JAKMIP1: variants seen among roughly 807,000 people sequenced by gnomAD.
The protein encoded by JAKMIP1 is janus kinase and microtubule interacting protein 1, also known as janus kinase and microtubule-interacting protein 1.
Under a neutral mutation model 113.0 loss-of-function variants are expected in JAKMIP1, and 33 were observed. The ratio of observed to expected loss-of-function variants is 0.29; its 90% CI spans 0.22 to 0.39. The LOEUF (loss-of-function observed/expected upper bound fraction) is 0.39. JAKMIP1 is among the 10% of genes least tolerant of loss of function. The pLI is 1.00. For synonymous variants in JAKMIP1, 480 were observed against 459.9 expected (o/e 1.04, Z -0.56); for missense variants, 813 against 1,080.5 (o/e 0.75, Z 3.47).
chr4:6,110,383 C>T (rs1714724788), intron 2 of JAKMIP1, among the ~76,000 whole-genome samples: 1 of 151,426 alleles, frequency 6.6e-6, no homozygotes, highest in African/African-American at 2.4e-5. Context: ...TGCCAGCCTC[C>T]AGGACTGTGA....
At position 6,042,029 on chromosome 4, in the gene JAKMIP1, A is replaced by T; in HGVS notation, c.2097+130T>A. The T allele has an allele frequency of 2.8e-6, 2 of 707,382 alleles. No homozygotes were observed. The highest frequency in any genetic ancestry group is 1.7e-5 in the South Asian group (1 of 57,808). The allele number at this position is 707,382 out of a possible 1,614,324, so 43.8% of individuals were successfully genotyped here. A position where few individuals can be genotyped will look rare whatever the true frequency, so the allele number is the denominator to read the frequency against. On this transcript the variant is annotated intron_variant, in intron 17 of 20. Transcript: ENST00000409021. The surrounding 1 kb of genome is among the most constrained non-coding windows in gnomAD (Gnocchi z 5.2). ...TGGGTGACAATTACTTAGAACAACC[A>T]CTGGGGCAAAAGCAAAATTGAGAAA...
At chr4:6,119,033 G>A (rs925750121) in intron 1 of JAKMIP1, among the ~76,000 whole-genome samples, 17 of 152,164 alleles carry the variant, frequency 1.1e-4, no homozygotes, top group Non-Finnish European at 2.2e-4. Context: ...CCGGAGCACT[G>A]CGGCCACACC....
At chr4:6,163,482 C>T (rs950118561) in intron 1 of JAKMIP1, among the ~76,000 whole-genome samples, 12 of 152,198 alleles carry the variant, frequency 7.9e-5, no homozygotes, top group Non-Finnish European at 1.5e-4. Flanking sequence ...AGCCATTCTC[C>T]CATCACTCCC....
At chr4:6,054,794 C>T (rs764529270) in intron 12 of JAKMIP1, 1 of 456,724 alleles carries the variant, frequency 2.2e-6, no homozygotes, top group Admixed American at 2.3e-5. Flanking sequence ...CTGGCAGCAG[C>T]GAGAAGTCAC....
intron 1 of JAKMIP1, among the ~76,000 whole-genome samples, chr4:6,189,392 A>G (rs541021150): frequency 1.3e-5 from 2 of 152,354 alleles, no homozygotes; most frequent in East Asian, 3.9e-4. Context: ...TGAGGCTCAG[A>G]CAATTGACTG....
chr4:6,131,397 A>C (rs1049770238), intron 1 of JAKMIP1, among the ~76,000 whole-genome samples: 1 of 150,926 alleles, frequency 6.6e-6, no homozygotes, highest in Non-Finnish European at 1.5e-5. Flanking sequence ...CCCTACACTT[A>C]GCATATCATA....
rs907066949 is a variant in JAKMIP1, at chr4:6,153,806, C to T, written c.-147-40809G>A. 1.3e-5 allele frequency among the ~76,000 whole-genome samples: 2 copies of T among 152,172 alleles called. No individual in the cohort carries two copies. Among genetic ancestry groups the T allele is most frequent in the African/African-American group, 2.4e-5 (1 of 41,428 alleles). ...ACTATAAGATACAGTTATATTTTCCCTAATGCACACTAAAGTATTATTAAA... is the reference window on the plus strand; with the variant it reads ...ACTATAAGATACAGTTATATTTTCCTTAATGCACACTAAAGTATTATTAAA... On this transcript the variant is annotated intron_variant, in intron 1 of 20. Transcript: ENST00000409021. This position sits in a 1 kb window ranked among gnomAD's most constrained non-coding sequence, Gnocchi z 4.9.
intron 3 of JAKMIP1, among the ~76,000 whole-genome samples, chr4:6,104,487 G>A (rs1713580670): frequency 1.3e-5 from 2 of 152,230 alleles, no homozygotes; most frequent in Non-Finnish European, 2.9e-5. Flanking sequence ...AGCCAGACCA[G>A]CTTTGCTTTT....
At chr4:6,041,350 G>T (rs572996361) in intron 17 of JAKMIP1, among the ~76,000 whole-genome samples, 11 of 152,332 alleles carry the variant, frequency 7.2e-5, no homozygotes, top group African/African-American at 2.6e-4. Flanking sequence ...GTTCAGTGAT[G>T]GCAGAGGTGG....
chr4:6,041,123 C>T (rs1016090772), intron 17 of JAKMIP1, among the ~76,000 whole-genome samples: 1 of 152,124 alleles, frequency 6.6e-6, no homozygotes, highest in Non-Finnish European at 1.5e-5. Flanking sequence ...GCATCACCCA[C>T]CTCCCGATTG....
rs1159830922 is a variant in JAKMIP1 at position 6,156,621 on chromosome 4, A to C, written c.-147-43624T>G. Among the ~76,000 whole-genome samples, 1 of 152,234 alleles carries C rather than the reference A, an allele frequency of 6.6e-6. No homozygotes were observed. Among genetic ancestry groups the C allele is most frequent in the Non-Finnish European group, 1.5e-5 (1 of 68,030 alleles). ...GAGATGCAACTCAAAGATCTGATGC[A>C]TGTGGAAGGCTTTCATCTGTCTTCA... On this transcript the variant is annotated intron_variant, in intron 1 of 20. Coordinates refer to ENST00000409021, the MANE Select transcript of JAKMIP1 (RefSeq NM_001099433.2). This position sits in a 1 kb window ranked among gnomAD's most constrained non-coding sequence, Gnocchi z 5.0.
At chr4:6,043,624 A>T (rs1160180469) in intron 16 of JAKMIP1, among the ~76,000 whole-genome samples, 1 of 151,584 alleles carries the variant, frequency 6.6e-6, no homozygotes, top group Non-Finnish European at 1.5e-5. Flanking sequence ...CACTTCCAAC[A>T]TATTGGCTTT....
chr4:6,162,667 A>G lies in JAKMIP1; in HGVS notation c.-148+37586T>C, dbSNP rs1217306154. ...TGTTAGCTCCTTAACTGTCACGACA[A>G]CCTGTTAAGGGCACAGCATTACCAT... On this transcript the variant is annotated intron_variant, in intron 1 of 20. Transcript: ENST00000409021. The surrounding 1 kb of genome is among the most constrained non-coding windows in gnomAD (Gnocchi z 5.6). Among the ~76,000 whole-genome samples, 1 of 152,200 alleles carries G rather than the reference A, an allele frequency of 6.6e-6. No individual in the cohort carries two copies. Among genetic ancestry groups the G allele is most frequent in the African/African-American group, 2.4e-5 (1 of 41,448 alleles).
intron 1 of JAKMIP1, among the ~76,000 whole-genome samples, chr4:6,170,195 A>AC (rs1364379114): frequency 6.9e-6 from 1 of 144,632 alleles, no homozygotes; most frequent in East Asian, 2.1e-4. Flanking sequence ...CACCATCACT[A>AC]CCACCATCAT....
intron 5 of JAKMIP1, among the ~76,000 whole-genome samples, chr4:6,083,733 T>C (rs906000797): frequency 1.3e-5 from 2 of 152,116 alleles, no homozygotes; most frequent in Non-Finnish European, 2.9e-5. Context: ...TCTGTGGATA[T>C]ACTTCTCTTC....
At position 6,081,297 on chromosome 4, in the gene JAKMIP1, C is replaced by T. The variant is rs1323852364; in HGVS notation, c.1101+312G>A. Among the ~76,000 whole-genome samples, 1 of 152,200 alleles carries T rather than the reference C, an allele frequency of 6.6e-6. No homozygotes were observed. The highest frequency in any genetic ancestry group is 2.4e-5 in the African/African-American group (1 of 41,450). ...TCTTTACATGCTGTTATTTCATCCT[C>T]TTGATGATCCTCCAGTGTGGATATT... On this transcript the variant is annotated intron_variant, in intron 6 of 20. Coordinates refer to ENST00000409021, the MANE Select transcript of JAKMIP1 (RefSeq NM_001099433.2). This position sits in a 1 kb window ranked among gnomAD's most constrained non-coding sequence, Gnocchi z 4.6.
At chr4:6,033,578 G>A (rs929901004) in intron 19 of JAKMIP1, among the ~76,000 whole-genome samples, 9 of 152,178 alleles carry the variant, frequency 5.9e-5, no homozygotes, top group Non-Finnish European at 8.8e-5. Context: ...CCATTCTACA[G>A]ACAAGAAAAT....
chr4:6,125,687 AAC>A (rs1320739976), intron 1 of JAKMIP1, among the ~76,000 whole-genome samples: 42 of 134,216 alleles, frequency 3.1e-4, no homozygotes, highest in African/African-American at 1.2e-3. Context: ...ACCATGCAGA[AAC>A]ACACACGCAC....
rs1725882145 is a variant in JAKMIP1 at position 6,180,381 on chromosome 4, T to C, written c.-148+19872A>G. On this transcript the variant is annotated intron_variant, in intron 1 of 20. Transcript: ENST00000409021. The surrounding 1 kb of genome is among the most constrained non-coding windows in gnomAD (Gnocchi z 4.5). ...TGTGCACGTGAAGTCTTCTTTCTTA[T>C]TGAGATTTTCACTATAAAATCTTAT... Among the ~76,000 whole-genome samples the C allele has an allele frequency of 1.3e-5, 2 of 152,226 alleles. 1 individual carries two copies. The highest frequency in any genetic ancestry group is 4.1e-4 in the South Asian group (2 of 4,832).
Sources: allele counts gnomAD v4.1 joint callset (sites outside exome capture counted in the v4.1 genomes callset), GRCh38; gene constraint gnomAD v4.1.1; non-coding constraint Gnocchi (gnomAD v3.1); transcripts MANE v1.5; gene names NCBI Gene and HGNC (gene_info 2026-07-23, HGNC 2026-07-21).